The following GYS1 variants were observed in gnomAD, a reference collection of about 807,000 sequenced individuals.
The protein encoded by GYS1 is glycogen [starch] synthase, muscle.
Under a neutral mutation model 89.1 loss-of-function variants are expected in GYS1, and 60 were observed. The observed-to-expected ratio is 0.67, with a 90% CI of 0.55 to 0.84. The LOEUF (loss-of-function observed/expected upper bound fraction) is 0.84, where lower values mean the gene tolerates loss of function less well. Among genes scored for constraint, GYS1 ranks in the 40% least tolerant of loss-of-function variants. The pLI is 0.00. For synonymous variants in GYS1, 366 were observed against 401.7 expected, an observed-to-expected ratio of 0.91 and a Z score of 1.06; for missense variants, 888 against 1,003.1, an observed-to-expected ratio of 0.89 and a Z score of 1.55.
Position 48,968,406 on chromosome 19 carries a change from C to T in GYS1, c.*882G>A, listed in dbSNP as rs2122445307. The T allele has an allele frequency of 4.4e-6, 2 of 454,536 alleles. No homozygotes were observed. The highest frequency in any genetic ancestry group is 3.1e-5 in the South Asian group (2 of 64,482). 28.2% of individuals were successfully genotyped at this position (454,536 alleles called of 1,614,324 possible). On this transcript the variant is annotated 3_prime_UTR_variant, in exon 16 of 16. Transcript: ENST00000323798. ...GTGGTAAGGTTCCAGATCTAGAAGC[C>T]AGGACCTAGAACCTAGTGGTTTCAC...
chr19:48,973,836 C>G (rs1374035768), intron 12 of GYS1, among the ~76,000 whole-genome samples: 1 of 152,150 alleles, frequency 6.6e-6, no homozygotes, highest in African/African-American at 2.4e-5. Flanking sequence ...TTTAAAAACA[C>G]TGGCTAATGT....
In GYS1 at chr19:48,991,031, C is replaced by T. The variant is rs1308354056; in HGVS notation, c.300+271G>A. ...GCTGTCTTTCGATCTTGCTCTCTTT[C>T]TCTCTGGGTCTGAGGACCTTGGCCT... On this transcript the variant is annotated intron_variant, in intron 2 of 15. Transcript: ENST00000323798. This position sits in a 1 kb window ranked among gnomAD's most constrained non-coding sequence, Gnocchi z 4.7. Among the ~76,000 whole-genome samples the T allele has an allele frequency of 6.6e-6, 1 of 152,220 alleles. No individual in the cohort carries two copies. Among genetic ancestry groups the T allele is most frequent in the Non-Finnish European group, 1.5e-5 (1 of 68,034 alleles).
chr19:48,985,558 G>A lies in GYS1; in HGVS notation c.726C>T (p.Tyr242=), dbSNP rs1267080951. The change falls in exon 5 of 16, where the codon TAC becomes TAT. Residue 242 remains tyrosine, a synonymous_variant. Transcript: ENST00000323798. The part of the protein sequence containing the change: ...EAGERQIYHR[Y]CMERAAAHCA... ...AGTGGGCTGCCGCCCTTTCCATGCA[G>A]TATCGGTGGTAGATCTGCCTCTCCC... 5 of 1,613,988 alleles carry A rather than the reference G, an allele frequency of 3.1e-6. No homozygotes were observed. Among genetic ancestry groups the A allele is most frequent in the Non-Finnish European group, 4.2e-6 (5 of 1,179,974 alleles).
At chr19:48,979,331 CTTTTCTTTTTT>C (rs2038711235) in intron 8 of GYS1, among the ~76,000 whole-genome samples, 23 of 46,360 alleles carry the variant, frequency 5.0e-4, no homozygotes, top group Non-Finnish European at 8.8e-4. Flanking sequence ...TTTCTTTTTT[CTTTTCTTTTTT>C]TTTTTTTTTT....
Position 48,981,880 on chromosome 19 carries a change from TTTTTG to T in GYS1, c.1063-249_1063-245del, listed in dbSNP as rs3086773. ...GCTTCTTGGGTTTCTGTTCTGTAAT[TTTTTG>T]TTTTGTTTTGTTTTGTTTTGTTTTT... On this transcript the variant is annotated intron_variant, in intron 7 of 15. Coordinates refer to ENST00000323798, the MANE Select transcript of GYS1 (RefSeq NM_002103.5). 0.023 allele frequency among the ~76,000 whole-genome samples: 3,527 copies of T among 151,984 alleles called. 137 individuals are homozygous for T. Among genetic ancestry groups the T allele is most frequent in the African/African-American group, 0.08 (3,324 of 41,392 alleles).
Position 48,982,708 on chromosome 19 carries a change from T to C in GYS1, c.941+12A>G. 1 of 1,530,336 alleles carries C rather than the reference T, an allele frequency of 6.5e-7. No individual in the cohort carries two copies. The highest frequency in any genetic ancestry group is 9.1e-7 in the Non-Finnish European group (1 of 1,103,848). 94.8% of individuals were successfully genotyped at this position (1,530,336 alleles called of 1,614,324 possible). On this transcript the variant is annotated intron_variant, in intron 6 of 15. Coordinates refer to ENST00000323798, the MANE Select transcript of GYS1 (RefSeq NM_002103.5). ...CCTCCTCTCTTAAGACCTAGGTATA[T>C]GCCCCACGTACCCATAAAAATGGCC...
chr19:48,979,050 C>T (rs1330206924), intron 8 of GYS1, among the ~76,000 whole-genome samples: 1 of 152,160 alleles, frequency 6.6e-6, no homozygotes, highest in African/African-American at 2.4e-5. Context: ...GAATCAACCT[C>T]AGAGGTTTGC....
chr19:48,989,582 C>G (rs747398329), intron 2 of GYS1, among the ~76,000 whole-genome samples: 12 of 151,894 alleles, frequency 7.9e-5, no homozygotes, highest in Non-Finnish European at 1.6e-4. Context: ...CACCATCATG[C>G]CTGGCTAATT....
In GYS1 at chr19:48,982,844, T is replaced by C. The variant is rs1186756602; in HGVS notation, c.824-7A>G. 3.3e-6 allele frequency: 5 copies of C among 1,527,568 alleles called. No homozygotes were observed. The highest frequency in any genetic ancestry group is 4.5e-6 in the Non-Finnish European group (5 of 1,101,012). 94.6% of individuals were successfully genotyped at this position (1,527,568 alleles called of 1,614,324 possible). A position where few individuals can be genotyped will look rare whatever the true frequency, so the allele number is the denominator to read the frequency against. ...CCATTGGGGGTCACAATATCTGGGA[T>C]TGGGGGTGAGGGTCCCATGTTTTAT... On this transcript the variant is annotated splice_region_variant and splice_polypyrimidine_tract_variant and intron_variant, in intron 5 of 15. Coordinates refer to ENST00000323798, the MANE Select transcript of GYS1 (RefSeq NM_002103.5).
rs762727331 is a variant in GYS1 at position 48,991,539 on chromosome 19, C to CTGGGG, written c.119-61_119-57dup. The CTGGGG allele has an allele frequency of 4.7e-6, 5 of 1,074,202 alleles. No individual in the cohort carries two copies. The South Asian group carries it at 6.1e-5, about 13-fold the overall frequency. 66.5% of individuals were successfully genotyped at this position (1,074,202 alleles called of 1,614,324 possible). Reference sequence around the variant, plus strand: ...CGGCCGAGGTCCATAGTTCTGGGGCCTGGGGTGGGGTGGGCCGGGGATGTA... The same window carrying CTGGGG: ...CGGCCGAGGTCCATAGTTCTGGGGCCTGGGGTGGGGTGGGGTGGGCCGGGGATGTA... On this transcript the variant is annotated intron_variant, in intron 1 of 15. Coordinates refer to ENST00000323798, the MANE Select transcript of GYS1 (RefSeq NM_002103.5). The surrounding 1 kb of genome is among the most constrained non-coding windows in gnomAD (Gnocchi z 4.7).
rs775606703 is a variant in GYS1, at chr19:48,971,030, G to A, written c.1550-7C>T. 41 of 1,602,990 alleles carry A rather than the reference G, an allele frequency of 2.6e-5. No individual in the cohort carries two copies. Among genetic ancestry groups the A allele is most frequent in the Non-Finnish European group, 3.3e-5 (39 of 1,169,902 alleles). On this transcript the variant is annotated splice_region_variant and splice_polypyrimidine_tract_variant and intron_variant, in intron 12 of 15. Transcript: ENST00000323798. ...CCCATAACCGTGCACTCAGCTGCGG[G>A]AAGGCAGGAGAGAGACCCACTTAGC...
rs780120773 is a variant in GYS1 at position 48,987,288 on chromosome 19, A to C, written c.398T>G (p.Leu133Arg). Residue 133 changes from leucine (L) to arginine (R), a missense_variant, in exon 3 of 16, where the codon CTC becomes CGC. Leu to Arg is a moderately radical substitution (Grantham distance 102). Coordinates refer to ENST00000323798, the MANE Select transcript of GYS1 (RefSeq NM_002103.5). ...CACTCCGATGTTGCAGGTATCCCAG[A>C]GCTCTCCCTTCCAGCGCTCCAGGGC... Reference protein sequence around the residue: ...AWALERWKGELWDTCNIGVPW... With the variant: ...AWALERWKGERWDTCNIGVPW... 1 of 1,613,026 alleles carries C rather than the reference A, an allele frequency of 6.2e-7. No individual in the cohort carries two copies. The highest frequency in any genetic ancestry group is 1.1e-5 in the South Asian group (1 of 90,760).
intron 8 of GYS1, among the ~76,000 whole-genome samples, chr19:48,979,636 CTCTTTCT>C (rs1568620870): frequency 1.6e-5 from 2 of 126,094 alleles, no homozygotes; most frequent in African/African-American, 3.0e-5. Flanking sequence ...CGCGCCCAGC[CTCTTTCT>C]TTCTTTTTTT....
chr19:48,969,326 G>A lies in GYS1; in HGVS notation c.2176C>T (p.Leu726Phe). 2 of 1,583,260 alleles carry A rather than the reference G, an allele frequency of 1.3e-6. No homozygotes were observed. Among genetic ancestry groups the A allele is most frequent in the Non-Finnish European group, 1.7e-6 (2 of 1,171,090 alleles). Reference protein sequence around the residue: ...SSSLSTPSEPLSPTSSLGEER... With the variant: ...SSSLSTPSEPFSPTSSLGEER... Reference sequence around the variant, plus strand: ...TCGCCCAGGGAGCTGGTGGGGCTGAGGGGCTCGCTCGGGGTGCTGAGTGAG... The same window carrying A: ...TCGCCCAGGGAGCTGGTGGGGCTGAAGGGCTCGCTCGGGGTGCTGAGTGAG... The change falls in exon 16 of 16, where the codon CTC becomes TTC. Residue 726 changes from leucine (L) to phenylalanine (F), a missense_variant. Leu to Phe is a conservative substitution (Grantham distance 22). Transcript: ENST00000323798.
chr19:48,976,711 G>A (rs2038658355), intron 10 of GYS1, among the ~76,000 whole-genome samples: 1 of 152,156 alleles, frequency 6.6e-6, no homozygotes, highest in African/African-American at 2.4e-5. Flanking sequence ...AAGGAGAGCT[G>A]AGAGTTGTAA....
chr19:48,984,196 G>A (rs1388169831), intron 5 of GYS1, among the ~76,000 whole-genome samples: 1 of 151,806 alleles, frequency 6.6e-6, no homozygotes, highest in Non-Finnish European at 1.5e-5. Context: ...TGGCAGAGAG[G>A]GGGTCTCACA....
At position 48,991,563 on chromosome 19, in the gene GYS1, T is replaced by C. The variant is rs2038928485; in HGVS notation, c.119-80A>G. On this transcript the variant is annotated intron_variant, in intron 1 of 15. Coordinates refer to ENST00000323798, the MANE Select transcript of GYS1 (RefSeq NM_002103.5). This position sits in a 1 kb window ranked among gnomAD's most constrained non-coding sequence, Gnocchi z 4.7. ...CCTGGGGTGGGGTGGGCCGGGGATGTAGGGGGCACTCAGGCCCCAGACCTC... is the reference window on the plus strand; with the variant it reads ...CCTGGGGTGGGGTGGGCCGGGGATGCAGGGGGCACTCAGGCCCCAGACCTC... 6.8e-7 allele frequency: 1 copy of C among 1,465,446 alleles called. No homozygotes were observed. Among genetic ancestry groups the C allele is most frequent in the African/African-American group, 1.4e-5 (1 of 72,248 alleles). The allele number at this position is 1,465,446 out of a possible 1,614,324, so 90.8% of individuals were successfully genotyped here. A position where few individuals can be genotyped will look rare whatever the true frequency, so the allele number is the denominator to read the frequency against.
At position 48,993,093 on chromosome 19, in the gene GYS1, A is replaced by C; in HGVS notation, c.20T>G (p.Leu7Trp). ...CAGTCCTGGCAGTGAGGACATGGAC[A>C]AAGTGCGGTTTAAAGGCATGGCTGG... MPLNRT[L>W]SMSSLPGLED... The change falls in exon 1 of 16, where the codon TTG becomes TGG. Residue 7 changes from leucine to tryptophan, a missense_variant. Transcript: ENST00000323798. 6.2e-7 allele frequency: 1 copy of C among 1,610,270 alleles called. No individual in the cohort carries two copies. Among genetic ancestry groups the C allele is most frequent in the Non-Finnish European group, 8.5e-7 (1 of 1,176,616 alleles).
At chr19:48,979,186 A>C (rs1041120493) in intron 8 of GYS1, among the ~76,000 whole-genome samples, 1 of 152,016 alleles carries the variant, frequency 6.6e-6, no homozygotes, top group Admixed American at 6.6e-5. Context: ...TACGAAAAGA[A>C]AGTAAGATTC....
Sources: allele counts gnomAD v4.1 joint callset (sites outside exome capture counted in the v4.1 genomes callset), GRCh38; gene constraint gnomAD v4.1.1; non-coding constraint Gnocchi (gnomAD v3.1); transcripts MANE v1.5; gene names NCBI Gene and HGNC (gene_info 2026-07-23, HGNC 2026-07-21).